Variants in ERBB4 observed in about 807,000 individuals in gnomAD.
ERBB4 encodes the protein receptor tyrosine-protein kinase erbB-4.
A neutral mutation model predicts 158.0 loss-of-function variants in ERBB4; 42 were observed. The ratio of observed to expected loss-of-function variants is 0.27; its 90% confidence interval spans 0.21 to 0.34. The LOEUF (loss-of-function observed/expected upper bound fraction) is 0.34. Among genes scored for constraint, ERBB4 ranks in the 10% least tolerant of loss-of-function variants. The probability of loss-of-function intolerance (pLI) is 1.00; values close to 1 mark genes in which losing one functional copy is unlikely to be tolerated. For synonymous variants in ERBB4, 583 were observed against 558.7 expected (o/e 1.04, Z -0.61); for missense variants, 1,333 against 1,624.1 (o/e 0.82, Z 3.08).
rs1043441596 is a variant in ERBB4, at chr2:212,158,476, C to T, written c.83-33573G>A. Among the ~76,000 whole-genome samples the T allele has an allele frequency of 3.9e-5, 6 of 152,126 alleles. No homozygotes were observed. The East Asian group carries it at 1.2e-3, about 29-fold the overall frequency. ...AAAGTTCCCTACCCCTTCTCATCTA[C>T]CCAAAAGTCCCTATCTATCCATCTT... On this transcript the variant is annotated intron_variant, in intron 1 of 27. Coordinates refer to ENST00000342788, the MANE Select transcript of ERBB4 (RefSeq NM_005235.3).
chr2:211,582,871 T>A (rs1303219448), intron 19 of ERBB4, among the ~76,000 whole-genome samples: 1 of 152,132 alleles, frequency 6.6e-6, no homozygotes, highest in Admixed American at 6.5e-5. Context: ...CCAAACCAAT[T>A]TCAGTGATTT....
rs2068930630 is a variant in ERBB4 at position 211,604,950 on chromosome 2, T to C, written c.2301+14227A>G. On this transcript the variant is annotated intron_variant, in intron 19 of 27. Transcript: ENST00000342788. ...AAGACATGCAGAGAAAATTCCTAAATAATAGGAAGTTCTTAAATACAGGCT... is the reference window on the plus strand; with the variant it reads ...AAGACATGCAGAGAAAATTCCTAAACAATAGGAAGTTCTTAAATACAGGCT... Among the ~76,000 whole-genome samples, 3 of 152,164 alleles carry C rather than the reference T, an allele frequency of 2.0e-5. No individual in the cohort carries two copies. In the South Asian group the frequency reaches 6.2e-4, roughly 31 times the overall value.
chr2:211,784,294 TTC>T (rs1278137836), intron 4 of ERBB4, among the ~76,000 whole-genome samples: 1 of 152,172 alleles, frequency 6.6e-6, no homozygotes, highest in African/African-American at 2.4e-5. Flanking sequence ...CCATTCTACA[TTC>T]TGTTTTCTTT....
chr2:212,369,369 G>A (rs1010641459), intron 1 of ERBB4, among the ~76,000 whole-genome samples: 3 of 151,978 alleles, frequency 2.0e-5, no homozygotes, highest in Non-Finnish European at 2.9e-5. Context: ...GTACGCATTT[G>A]ACTTTCTAAT....
At chr2:212,206,009 A>G (rs2082734817) in intron 1 of ERBB4, among the ~76,000 whole-genome samples, 1 of 152,160 alleles carries the variant, frequency 6.6e-6, no homozygotes, top group Admixed American at 6.6e-5. Context: ...TATAATACCT[A>G]TGATAATTTT....
At chr2:211,464,062 C>T (rs2064609284) in intron 20 of ERBB4, among the ~76,000 whole-genome samples, 1 of 152,150 alleles carries the variant, frequency 6.6e-6, no homozygotes, top group African/African-American at 2.4e-5. Context: ...GTCACTTTCT[C>T]CATGAAAACT....
chr2:212,516,770 TA>T lies in ERBB4; in HGVS notation c.82+21678del, dbSNP rs1691869533. ...AACTCTATACTCTTGACGTCCCATA[TA>T]GATTCAAATCATTGAATTAAGGAGC... is the stretch of plus-strand genomic sequence containing the variant. On this transcript the variant is annotated intron_variant, in intron 1 of 27. Coordinates refer to ENST00000342788, the MANE Select transcript of ERBB4 (RefSeq NM_005235.3). Among the ~76,000 whole-genome samples, 5 of 152,250 alleles carry T rather than the reference TA, an allele frequency of 3.3e-5. No homozygotes were observed. The South Asian group carries it at 8.3e-4, about 25-fold the overall frequency.
chr2:212,032,215 A>C (rs1183823984), intron 2 of ERBB4, among the ~76,000 whole-genome samples: 5 of 152,010 alleles, frequency 3.3e-5, no homozygotes, highest in Non-Finnish European at 5.9e-5. Flanking sequence ...TATTTAAAGT[A>C]ATGTGGTAAT....
intron 21 of ERBB4, among the ~76,000 whole-genome samples, chr2:211,429,884 G>A (rs746606318): frequency 1.3e-4 from 20 of 152,152 alleles, no homozygotes; most frequent in African/African-American, 4.3e-4. Context: ...TCTTGCTTTA[G>A]ACAAATCTTA....
intron 2 of ERBB4, among the ~76,000 whole-genome samples, chr2:212,091,992 A>G (rs1433343316): frequency 6.6e-6 from 1 of 152,140 alleles, no homozygotes; most frequent in Non-Finnish European, 1.5e-5. Flanking sequence ...TCCTAATTAT[A>G]TGAAGATCCC....
chr2:212,413,819 T>C (rs1323609142), intron 1 of ERBB4, among the ~76,000 whole-genome samples: 1 of 152,228 alleles, frequency 6.6e-6, no homozygotes, highest in African/African-American at 2.4e-5. Flanking sequence ...AATACTTCAA[T>C]TATCTTCCAC....
chr2:212,130,379 T>C (rs186658380), intron 1 of ERBB4, among the ~76,000 whole-genome samples: 9 of 152,262 alleles, frequency 5.9e-5, no homozygotes, highest in Admixed American at 5.9e-4. Flanking sequence ...ACACAGGCTT[T>C]TTATTTTTCT....
intron 1 of ERBB4, among the ~76,000 whole-genome samples, chr2:212,217,895 T>A (rs73987292): frequency 0.035 from 5,366 of 151,320 alleles, 289 homozygotes; most frequent in African/African-American, 0.12. Flanking sequence ...AAATGCCCAA[T>A]AAAGTATATA....
At chr2:211,862,397 T>C (rs1258732468) in intron 3 of ERBB4, among the ~76,000 whole-genome samples, 5 of 152,180 alleles carry the variant, frequency 3.3e-5, no homozygotes, top group African/African-American at 9.6e-5. Flanking sequence ...AGAGAATATA[T>C]GCTTTGTTCT....
At chr2:211,488,221 A>T (rs1429142202) in intron 20 of ERBB4, among the ~76,000 whole-genome samples, 1 of 152,136 alleles carries the variant, frequency 6.6e-6, no homozygotes, top group Non-Finnish European at 1.5e-5. Context: ...ATGGCTGGAC[A>T]TATCTGAGCT....
At chr2:211,871,895 A>T (rs1237985883) in intron 3 of ERBB4, among the ~76,000 whole-genome samples, 1 of 152,086 alleles carries the variant, frequency 6.6e-6, no homozygotes, top group Non-Finnish European at 1.5e-5. Flanking sequence ...ATGGAGAGAG[A>T]GGGAGGAGAA....
At chr2:212,300,985 C>A (rs545164706) in intron 1 of ERBB4, among the ~76,000 whole-genome samples, 1 of 151,536 alleles carries the variant, frequency 6.6e-6, no homozygotes, top group South Asian at 2.1e-4. Context: ...CAAAATATTT[C>A]TTCATTGATG....
At chr2:211,760,654 C>T (rs531217983) in intron 4 of ERBB4, among the ~76,000 whole-genome samples, 3 of 152,242 alleles carry the variant, frequency 2.0e-5, no homozygotes, top group East Asian at 1.9e-4. Flanking sequence ...TGTCATTCCT[C>T]AGGCAGGTTA....
intron 1 of ERBB4, among the ~76,000 whole-genome samples, chr2:212,214,099 T>C (rs2083021073): frequency 2.0e-5 from 3 of 151,862 alleles, no homozygotes; most frequent in Admixed American, 2.0e-4. Flanking sequence ...GCATTTTATC[T>C]AGTTTCAAAA....
Sources: allele counts gnomAD v4.1 joint callset (sites outside exome capture counted in the v4.1 genomes callset), GRCh38; gene constraint gnomAD v4.1.1; transcripts MANE v1.5; gene names NCBI Gene and HGNC (gene_info 2026-07-23, HGNC 2026-07-21).